The following AR variants were observed in gnomAD, a reference collection of about 807,000 sequenced individuals.
AR encodes androgen receptor.
In AR, 8 loss-of-function variants were observed where a neutral mutation model predicts 53.9. The observed-to-expected ratio is 0.15, with a 90% CI of 0.09 to 0.27. The LOEUF (loss-of-function observed/expected upper bound fraction) is 0.27. Among genes scored for constraint, AR ranks in the 10% least tolerant of loss-of-function variants. AR has a pLI of 1.00. For missense variants in AR, 639 were observed against 742.5 expected (o/e 0.86, Z 1.62); for synonymous variants, 359 against 316.4 (o/e 1.13, Z -1.43).
chrX:67,628,598 T>G (rs1036850192), intron 1 of AR, among the ~76,000 whole-genome samples: 56 of 108,922 alleles, frequency 5.1e-4, no homozygotes, highest in South Asian at 1.2e-3. Context: ...ACAATTTGAC[T>G]TCCTCTTTTC....
At chrX:67,706,329 G>T (rs2076067260) in intron 3 of AR, among the ~76,000 whole-genome samples, 1 of 111,487 alleles carries the variant, frequency 9.0e-6, no homozygotes, top group South Asian at 3.8e-4. Flanking sequence ...TTCAGAACCT[G>T]TTATTGGTCT....
At chrX:67,633,485 A>G (rs1414267657) in intron 1 of AR, among the ~76,000 whole-genome samples, 1 of 112,298 alleles carries the variant, frequency 8.9e-6, no homozygotes, top group East Asian at 2.8e-4. Context: ...TTTGCATAGT[A>G]TACTATGGTG....
chrX:67,600,939 A>G (rs1337024489), intron 1 of AR, among the ~76,000 whole-genome samples: 3 of 111,998 alleles, frequency 2.7e-5, no homozygotes, highest in African/African-American at 9.7e-5. Context: ...AACTGTCTTC[A>G]GTTATATTGG....
chrX:67,623,883 T>TA, intron 1 of AR, among the ~76,000 whole-genome samples: 1 of 111,319 alleles, frequency 9.0e-6, no homozygotes, highest in Non-Finnish European at 1.9e-5. Context: ...CACACAACTA[T>TA]AAAAAAGCTA....
chrX:67,586,587 T>A (rs1922557747), intron 1 of AR, among the ~76,000 whole-genome samples: 1 of 112,203 alleles, frequency 8.9e-6, no homozygotes, highest in African/African-American at 3.2e-5. Context: ...TGTTTGAAGG[T>A]TGAGTGAATT....
chrX:67,651,472 C>A (rs931830079), intron 2 of AR, among the ~76,000 whole-genome samples: 1 of 111,131 alleles, frequency 9.0e-6, no homozygotes. Context: ...TTTGCCAGTT[C>A]ATCAACAGGT....
intron 1 of AR, among the ~76,000 whole-genome samples, chrX:67,575,040 T>C (rs1389781646): frequency 9.0e-6 from 1 of 111,340 alleles, no homozygotes; most frequent in African/African-American, 3.3e-5. Context: ...TTGTAGGACA[T>C]ATGATCTTTG....
chrX:67,590,927 A>G (rs768725380), intron 1 of AR, among the ~76,000 whole-genome samples: 3 of 112,172 alleles, frequency 2.7e-5, no homozygotes, highest in South Asian at 7.5e-4. Flanking sequence ...TCTGAATCCT[A>G]TTTTTATTTG....
chrX:67,611,998 C>T (rs1347404415), intron 1 of AR, among the ~76,000 whole-genome samples: 1 of 111,621 alleles, frequency 9.0e-6, no homozygotes, highest in African/African-American at 3.3e-5. Context: ...CTTAGAGATT[C>T]ATCAGCATAT....
chrX:67,624,484 C>T (rs996782207), intron 1 of AR, among the ~76,000 whole-genome samples: 1 of 111,572 alleles, frequency 9.0e-6, no homozygotes, highest in African/African-American at 3.3e-5. Context: ...TATTTCAAAA[C>T]TTGGAAGAGG....
intron 2 of AR, among the ~76,000 whole-genome samples, chrX:67,666,956 G>T (rs927126247): frequency 7.2e-5 from 8 of 110,651 alleles, no homozygotes; most frequent in Non-Finnish European, 1.3e-4. Context: ...ATATGCCCTA[G>T]TTACTAGTCC....
rs750450358 is a variant in AR at position 67,571,230 on chromosome X, C to T, written c.1616+24468C>T. Among the ~76,000 whole-genome samples the T allele has an allele frequency of 2.2e-3, 242 of 112,162 alleles. 1 individual carries two copies. The highest frequency in any genetic ancestry group is 3.4e-3 in the Non-Finnish European group (181 of 53,162). On this transcript the variant is annotated intron_variant, in intron 1 of 7. Coordinates refer to ENST00000374690, the MANE Select transcript of AR (RefSeq NM_000044.6). Reference sequence around the variant, plus strand: ...AAGGAAATTCCACATGTGGCTCACTCATTTATTATACTTGTTTCTTTGCAC... The same window carrying T: ...AAGGAAATTCCACATGTGGCTCACTTATTTATTATACTTGTTTCTTTGCAC...
chrX:67,707,739 G>A (rs1182896524), intron 3 of AR, among the ~76,000 whole-genome samples: 3 of 111,849 alleles, frequency 2.7e-5, no homozygotes, highest in Non-Finnish European at 3.8e-5. Flanking sequence ...TCCTAGCCTC[G>A]ATGGTCTTTA....
At chrX:67,709,812 G>A in intron 3 of AR, among the ~76,000 whole-genome samples, 1 of 112,108 alleles carries the variant, frequency 8.9e-6, no homozygotes, top group Non-Finnish European at 1.9e-5. Context: ...GCAACTATGT[G>A]TATTCAATGG....
intron 1 of AR, among the ~76,000 whole-genome samples, chrX:67,554,928 A>C (rs1215023227): frequency 9.1e-6 from 1 of 110,011 alleles, no homozygotes; most frequent in Non-Finnish European, 1.9e-5. Flanking sequence ...AAAAAAAAAA[A>C]AAAAAGAATC....
At chrX:67,689,504 T>G (rs1171360248) in intron 3 of AR, 7 of 858,943 alleles carry the variant, frequency 8.1e-6, no homozygotes, top group Non-Finnish European at 1.1e-5. Flanking sequence ...AGATATAGCT[T>G]TTTCTTTCCT....
At chrX:67,598,556 G>A (rs1303301390) in intron 1 of AR, among the ~76,000 whole-genome samples, 1 of 111,376 alleles carries the variant, frequency 9.0e-6, no homozygotes, top group African/African-American at 3.3e-5. Flanking sequence ...TAGGATTACA[G>A]ATGTGAGCCA....
At position 67,645,304 on chromosome X, in the gene AR, G is replaced by T. The variant is rs866722056; in HGVS notation, c.1768+1897G>T. 4.5e-5 allele frequency among the ~76,000 whole-genome samples: 5 copies of T among 111,789 alleles called. No individual in the cohort carries two copies. In the South Asian group the frequency reaches 1.5e-3, roughly 34 times the overall value. ...ATCACATTGTGAAAGGGAAGATTTT[G>T]CTGTCATATCATACATCCCACATGG... On this transcript the variant is annotated intron_variant, in intron 2 of 7. Transcript: ENST00000374690.
At chrX:67,565,452 G>A (rs1181946550) in intron 1 of AR, among the ~76,000 whole-genome samples, 1 of 111,668 alleles carries the variant, frequency 9.0e-6, no homozygotes, top group South Asian at 3.8e-4. Flanking sequence ...GTGGAGGACC[G>A]GAAAATGGGA....
Sources: allele counts gnomAD v4.1 joint callset (sites outside exome capture counted in the v4.1 genomes callset), GRCh38; gene constraint gnomAD v4.1.1; transcripts MANE v1.5; gene names NCBI Gene and HGNC (gene_info 2026-07-23, HGNC 2026-07-21).